The following SHROOM4 variants were observed in gnomAD, a reference collection of about 807,000 sequenced individuals.
The protein encoded by SHROOM4 is shroom family member 4.
Under a neutral mutation model 80.3 loss-of-function variants are expected in SHROOM4, and 17 were observed. The observed-to-expected ratio is 0.21, with a 90% confidence interval of 0.14 to 0.32. The LOEUF (loss-of-function observed/expected upper bound fraction) is 0.32. Ranked by LOEUF, SHROOM4 falls within the 10% of genes least tolerant of loss-of-function variation. SHROOM4 has a pLI of 1.00. For missense variants in SHROOM4, 993 were observed against 1,140.3 expected, an observed-to-expected ratio of 0.87 and a Z score of 1.86; for synonymous variants, 400 against 437.5, an observed-to-expected ratio of 0.91 and a Z score of 1.07.
intron 2 of SHROOM4, among the ~76,000 whole-genome samples, chrX:50,680,059 G>T (rs1347198009): frequency 8.9e-6 from 1 of 111,777 alleles, no homozygotes; most frequent in African/African-American, 3.2e-5. Context: ...TGACACAGCT[G>T]AGTACTCCCT....
intron 2 of SHROOM4, among the ~76,000 whole-genome samples, chrX:50,651,437 T>TC (rs112431651): frequency 0.082 from 9,033 of 110,735 alleles, 940 homozygotes; most frequent in African/African-American, 0.28. Flanking sequence ...AATTTCTATG[T>TC]CCCCCAACCC....
rs1928770792 is a variant in SHROOM4 at position 50,587,006 on chromosome X, C to A, written c.*9689G>T. 8.9e-6 allele frequency among the ~76,000 whole-genome samples: 1 copy of A among 111,896 alleles called. No homozygotes were observed. Among genetic ancestry groups the A allele is most frequent in the African/African-American group, 3.3e-5 (1 of 30,765 alleles). ...TATTAACTATAGAACTTATGCTGTA[C>A]ATGAGATCTCTAGATTTATACATCT... is the stretch of plus-strand genomic sequence containing the variant. On this transcript the variant is annotated 3_prime_UTR_variant, in exon 9 of 9. Coordinates refer to ENST00000376020, the MANE Select transcript of SHROOM4 (RefSeq NM_020717.5).
chrX:50,814,176 A>AGCGC lies in SHROOM4; in HGVS notation c.-162_-159dup, dbSNP rs1452597188. ...GCTGGAGACGCTCAGGCAGCGAGCG[A>AGCGC]GCGCAAGGAGGAAATGACACGGAGC... On this transcript the variant is annotated 5_prime_UTR_variant, in exon 1 of 9. Transcript: ENST00000376020. The AGCGC allele has an allele frequency of 8.7e-6, 4 of 459,337 alleles. No individual in the cohort carries two copies. Among genetic ancestry groups the AGCGC allele is most frequent in the Non-Finnish European group, 1.6e-5 (4 of 257,975 alleles). The allele number at this position is 459,337 out of a possible 1,213,427, so 37.9% of individuals were successfully genotyped here.
intron 1 of SHROOM4, among the ~76,000 whole-genome samples, chrX:50,701,368 G>A (rs1173940338): frequency 3.6e-5 from 4 of 111,852 alleles, no homozygotes; most frequent in Non-Finnish European, 7.5e-5. Flanking sequence ...AGTCTGGTAA[G>A]GGGAGACAAA....
At chrX:50,663,423 C>T (rs978705886) in intron 2 of SHROOM4, among the ~76,000 whole-genome samples, 6 of 111,012 alleles carry the variant, frequency 5.4e-5, no homozygotes, top group Non-Finnish European at 1.1e-4. Flanking sequence ...ACTGTCACTG[C>T]TCCCTGTACT....
intron 2 of SHROOM4, among the ~76,000 whole-genome samples, chrX:50,666,311 C>G (rs1932687507): frequency 8.9e-6 from 1 of 111,803 alleles, no homozygotes; most frequent in African/African-American, 3.3e-5. Context: ...AACCAATGGT[C>G]ATTGCAAGCT....
chrX:50,814,015 C>G lies in SHROOM4; in HGVS notation c.4G>C (p.Glu2Gln). The change falls in exon 1 of 9, where the codon GAG becomes CAG. Residue 2 changes from glutamate to glutamine, a missense_variant. Coordinates refer to ENST00000376020, the MANE Select transcript of SHROOM4 (RefSeq NM_020717.5). Reference sequence around the variant, plus strand: ...TACTGGAAGGACCCAGGCCGGTTCTCCATCCTCGGCTGGGCTCAGGCGCCG... The same window carrying G: ...TACTGGAAGGACCCAGGCCGGTTCTGCATCCTCGGCTGGGCTCAGGCGCCG... M[E>Q]NRPGSFQYVP... 1 of 1,199,169 alleles carries G rather than the reference C, an allele frequency of 8.3e-7. No individual in the cohort carries two copies. The highest frequency in any genetic ancestry group is 1.1e-6 in the Non-Finnish European group (1 of 885,381).
chrX:50,641,439 T>A (rs1237006061), intron 2 of SHROOM4, among the ~76,000 whole-genome samples: 7 of 112,057 alleles, frequency 6.2e-5, no homozygotes, highest in African/African-American at 2.3e-4. Context: ...GGACACAGCC[T>A]GATGCACAGC....
intron 1 of SHROOM4, among the ~76,000 whole-genome samples, chrX:50,769,656 C>T (rs181877747): frequency 1.8e-5 from 2 of 111,860 alleles, no homozygotes; most frequent in African/African-American, 6.5e-5. Flanking sequence ...GGGCTTAAGC[C>T]TTCCTTCCTG....
intron 2 of SHROOM4, among the ~76,000 whole-genome samples, chrX:50,687,357 A>T (rs984661896): frequency 5.5e-5 from 6 of 109,774 alleles, no homozygotes; most frequent in Non-Finnish European, 1.1e-4. Flanking sequence ...TAAAATGTTA[A>T]TTGGAAAACT....
chrX:50,627,740 A>T, intron 4 of SHROOM4, 65 bp from the exon 5 acceptor site: 1 of 946,776 alleles, frequency 1.1e-6, no homozygotes, highest in Non-Finnish European at 1.5e-6. Flanking sequence ...TGGCCTCAAA[A>T]ATGTGAAGAG....
At chrX:50,637,768 A>G (rs1931416998) in intron 3 of SHROOM4, among the ~76,000 whole-genome samples, 1 of 112,270 alleles carries the variant, frequency 8.9e-6, no homozygotes, top group Admixed American at 9.4e-5. Flanking sequence ...GACAGAGGTA[A>G]TAAAGACCAG....
intron 2 of SHROOM4, among the ~76,000 whole-genome samples, chrX:50,678,452 G>A (rs1294242578): frequency 1.8e-5 from 2 of 111,495 alleles, no homozygotes; most frequent in Admixed American, 9.5e-5. Flanking sequence ...AGCCATCTCA[G>A]TATTTCCTAC....
chrX:50,762,164 C>T (rs1351758342), intron 1 of SHROOM4, among the ~76,000 whole-genome samples: 2 of 110,712 alleles, frequency 1.8e-5, no homozygotes, highest in Admixed American at 9.5e-5. Flanking sequence ...TAATCTTATG[C>T]TGTTTGAAGG....
chrX:50,763,932 C>G (rs1449195299), intron 1 of SHROOM4, among the ~76,000 whole-genome samples: 1 of 111,780 alleles, frequency 8.9e-6, no homozygotes, highest in Non-Finnish European at 1.9e-5. Context: ...TTGATTCTGT[C>G]TGTTAAACTT....
chrX:50,786,255 T>C (rs1442575882), intron 1 of SHROOM4, among the ~76,000 whole-genome samples: 2 of 111,866 alleles, frequency 1.8e-5, no homozygotes, highest in Non-Finnish European at 3.8e-5. Context: ...GGCTTCAGTT[T>C]TGCCTGTCTC....
intron 1 of SHROOM4, among the ~76,000 whole-genome samples, chrX:50,756,964 TA>T (rs1272102170): frequency 8.9e-6 from 1 of 112,003 alleles, no homozygotes; most frequent in Non-Finnish European, 1.9e-5. Context: ...ATGGTATCTT[TA>T]AAGTGTGAAG....
rs782710976 is a variant in SHROOM4, at chrX:50,713,955, T to A, written c.118-18018A>T. Among the ~76,000 whole-genome samples the A allele has an allele frequency of 4.5e-5, 5 of 112,064 alleles. No individual in the cohort carries two copies. The Admixed American group carries it at 4.7e-4, about 11-fold the overall frequency. ...AGTTATTTTATAGTTTCAGGTCTTA[T>A]GTTTAAATCTTTAATTCATCTTGAT... On this transcript the variant is annotated intron_variant, in intron 1 of 8. Coordinates refer to ENST00000376020, the MANE Select transcript of SHROOM4 (RefSeq NM_020717.5).
At chrX:50,700,624 G>C (rs141636481) in intron 1 of SHROOM4, among the ~76,000 whole-genome samples, 80 of 111,762 alleles carry the variant, frequency 7.2e-4, no homozygotes, top group African/African-American at 2.6e-3. Context: ...GGGAGATACA[G>C]GCTTTCAAAC....
Sources: gnomAD v4.1 joint callset for allele counts (sites outside exome capture counted in the v4.1 genomes callset) on GRCh38, gnomAD v4.1.1 for gene constraint, MANE v1.5 for transcripts, NCBI Gene and HGNC (gene_info 2026-07-23, HGNC 2026-07-21) for gene names.